Variants in BCAT1 observed in about 807,000 individuals in gnomAD.
BCAT1 encodes the protein branched-chain-amino-acid aminotransferase, cytosolic.
A neutral mutation model predicts 52.4 loss-of-function variants in BCAT1; 48 were observed. That is an observed-to-expected ratio of 0.92 (90% CI 0.73 to 1.16). BCAT1 has a LOEUF of 1.16. Ranked by LOEUF, BCAT1 falls within the 50% of genes most tolerant of loss-of-function variation. The probability of loss-of-function intolerance (pLI) is 0.00; values close to 1 mark genes in which losing one functional copy is unlikely to be tolerated. For missense variants in BCAT1, 451 were observed against 457.1 expected (o/e 0.99, Z 0.12); for synonymous variants, 167 against 161.3 (o/e 1.04, Z -0.27).
intron 5 of BCAT1, among the ~76,000 whole-genome samples, chr12:24,859,118 T>C (rs1346562014): frequency 2.0e-5 from 3 of 152,220 alleles, no homozygotes; most frequent in African/African-American, 7.2e-5. Flanking sequence ...TTGATTAAGA[T>C]TGAATAATTT....
intron 3 of BCAT1, among the ~76,000 whole-genome samples, chr12:24,892,569 A>G (rs1394451159): frequency 6.6e-6 from 1 of 152,226 alleles, no homozygotes; most frequent in Non-Finnish European, 1.5e-5. Flanking sequence ...TTAAAAGCAC[A>G]TAGCCAGGAG....
At chr12:24,930,193 C>A (rs1943657418) in intron 1 of BCAT1, among the ~76,000 whole-genome samples, 1 of 152,202 alleles carries the variant, frequency 6.6e-6, no homozygotes, top group Non-Finnish European at 1.5e-5. Context: ...CTGTGGAGAC[C>A]ACTGCCTTGC....
rs199989623 is a variant in BCAT1, at chr12:24,829,930, G to A, written c.1045-33C>T. 1.5e-4 allele frequency: 222 copies of A among 1,510,810 alleles called. No homozygotes were observed. In the African/African-American group the frequency reaches 2.8e-3, roughly 19 times the overall value. The allele number at this position is 1,510,810 out of a possible 1,614,324, so 93.6% of individuals were successfully genotyped here. On this transcript the variant is annotated intron_variant, in intron 9 of 10. Coordinates refer to ENST00000261192, the MANE Select transcript of BCAT1 (RefSeq NM_005504.7). ...AGAAAGGGAAATGAGATAATTTGAG[G>A]GTACTCATGTATATGGTGATAACAG...
chr12:24,915,586 G>A (rs1442953675), intron 1 of BCAT1, among the ~76,000 whole-genome samples: 3 of 152,092 alleles, frequency 2.0e-5, no homozygotes, highest in Non-Finnish European at 4.4e-5. Context: ...CTACCGTGAA[G>A]CTACATGCTT....
intron 1 of BCAT1, among the ~76,000 whole-genome samples, chr12:24,922,837 T>C (rs1215505297): frequency 6.8e-6 from 1 of 147,150 alleles, no homozygotes; most frequent in Non-Finnish European, 1.5e-5. Flanking sequence ...GCCACTGAAC[T>C]CCAGTCTGGG....
intron 5 of BCAT1, among the ~76,000 whole-genome samples, chr12:24,875,348 C>T (rs1273691529): frequency 6.6e-6 from 1 of 152,058 alleles, no homozygotes; most frequent in Non-Finnish European, 1.5e-5. Context: ...GTTTATTCTG[C>T]CTATACCATT....
chr12:24,895,612 CAG>C (rs751580283), intron 2 of BCAT1, among the ~76,000 whole-genome samples: 12 of 150,880 alleles, frequency 8.0e-5, no homozygotes, highest in Non-Finnish European at 1.5e-4. Flanking sequence ...GTTAAAAAAA[CAG>C]GGGCAAGTTC....
chr12:24,825,519 T>C (rs1049798404), intron 10 of BCAT1, among the ~76,000 whole-genome samples: 1 of 152,132 alleles, frequency 6.6e-6, no homozygotes, highest in African/African-American at 2.4e-5. Context: ...GGATTTTACA[T>C]TGTGGTTTTG....
chr12:24,914,201 C>T (rs1285924001), intron 1 of BCAT1, among the ~76,000 whole-genome samples: 1 of 151,970 alleles, frequency 6.6e-6, no homozygotes, highest in Non-Finnish European at 1.5e-5. Context: ...CCCACATCCA[C>T]CTCCCGAGGA....
chr12:24,895,675 CA>C, intron 2 of BCAT1, among the ~76,000 whole-genome samples: 2 of 152,010 alleles, frequency 1.3e-5, no homozygotes. Flanking sequence ...TTTGAATATA[CA>C]AAAAAAGTCT....
intron 1 of BCAT1, among the ~76,000 whole-genome samples, chr12:24,944,291 A>G (rs892982771): frequency 6.6e-6 from 1 of 152,218 alleles, no homozygotes; most frequent in Non-Finnish European, 1.5e-5. Flanking sequence ...TCAAAACAAT[A>G]TAACTTGGTA....
At chr12:24,920,554 T>C (rs1246490742) in intron 1 of BCAT1, among the ~76,000 whole-genome samples, 1 of 152,182 alleles carries the variant, frequency 6.6e-6, no homozygotes, top group Admixed American at 6.5e-5. Context: ...TTTCCTCTGC[T>C]CTCACACAAA....
chr12:24,856,147 C>T (rs1172563715), intron 5 of BCAT1, among the ~76,000 whole-genome samples: 2 of 152,122 alleles, frequency 1.3e-5, no homozygotes, highest in African/African-American at 4.8e-5. Context: ...GCATGAGCTC[C>T]CTGATTCTGT....
intron 6 of BCAT1, 101 bp from the exon 7 acceptor site, chr12:24,842,325 A>C: frequency 7.7e-7 from 1 of 1,304,536 alleles, no homozygotes; most frequent in South Asian, 1.3e-5. Flanking sequence ...ACATGTGGAC[A>C]TAGTGAAGGT....
At chr12:24,837,587 T>G (rs189031003) in intron 7 of BCAT1, among the ~76,000 whole-genome samples, 2 of 151,952 alleles carry the variant, frequency 1.3e-5, no homozygotes, top group East Asian at 3.9e-4. Flanking sequence ...CCACCACGCC[T>G]GGCTAATTTT....
At chr12:24,930,896 C>CTTTTTTTTTTTT (rs5797108) in intron 1 of BCAT1, among the ~76,000 whole-genome samples, 1 of 96,086 alleles carries the variant, frequency 1.0e-5, no homozygotes, top group Non-Finnish European at 2.0e-5. Context: ...GAACAGGGCC[C>CTTTTTTTTTTTT]TTTTTTTTTT....
Position 24,810,216 on chromosome 12 carries a change from G to A in BCAT1, c.*7792C>T, listed in dbSNP as rs576495198. On this transcript the variant is annotated 3_prime_UTR_variant, in exon 11 of 11. Transcript: ENST00000261192. ...AGGAAGCATCTACACCTCAGCTGTC[G>A]GCCGTTTGGTTACAGAAATGCGATC... The A allele has an allele frequency of 2.0e-5, 3 of 152,168 alleles. No individual in the cohort carries two copies. The highest frequency in any genetic ancestry group is 2.1e-4 in the South Asian group (1 of 4,818). 9.4% of individuals were successfully genotyped at this position (152,168 alleles called of 1,614,324 possible).
chr12:24,824,231 T>TTTCCTTCCTTCC (rs560798912), intron 10 of BCAT1, among the ~76,000 whole-genome samples: 382 of 21,108 alleles, frequency 0.018, 9 homozygotes, highest in African/African-American at 0.039. Context: ...TGAGTTTACA[T>TTTCCTTCCTTCC]TTCCTTCCTT....
At chr12:24,938,752 G>T (rs184317452) in intron 1 of BCAT1, among the ~76,000 whole-genome samples, 3 of 152,110 alleles carry the variant, frequency 2.0e-5, no homozygotes, top group African/African-American at 7.2e-5. Context: ...CTGCTTAAAT[G>T]TCACCTCCCA....
Sources: gnomAD v4.1 joint callset for allele counts (sites outside exome capture counted in the v4.1 genomes callset) on GRCh38, gnomAD v4.1.1 for gene constraint, MANE v1.5 for transcripts, NCBI Gene and HGNC (gene_info 2026-07-23, HGNC 2026-07-21) for gene names.